The following PRPF18 variants were observed in gnomAD, a reference collection of about 807,000 sequenced individuals.
PRPF18 encodes pre-mRNA processing factor 18, also known as pre-mRNA-splicing factor 18.
In PRPF18, 38 loss-of-function variants were observed where a neutral mutation model predicts 46.5. The ratio of observed to expected loss-of-function variants is 0.82; its 90% confidence interval spans 0.63 to 1.07. The LOEUF is 1.07. Among genes scored for constraint, PRPF18 ranks in the 50% least tolerant of loss-of-function variants. PRPF18 has a pLI of 0.00. For synonymous variants in PRPF18, 152 were observed against 146.7 expected (o/e 1.04, Z -0.26); for missense variants, 263 against 410.0 (o/e 0.64, Z 3.10).
Position 13,605,641 on chromosome 10 carries a change from G to T in PRPF18, c.260G>T (p.Arg87Ile). The T allele has an allele frequency of 6.3e-7, 1 of 1,598,376 alleles. No individual in the cohort carries two copies. Among genetic ancestry groups the T allele is most frequent in the Non-Finnish European group, 8.5e-7 (1 of 1,173,750 alleles). Residue 87 changes from arginine (R) to isoleucine (I), a missense_variant, in exon 4 of 10, where the codon AGA becomes ATA. Physicochemically the swap from Arg to Ile is moderately conservative, Grantham distance 97. This residue lies in a region of PRPF18 where 155 missense variants were observed against 245.1 expected (regional missense o/e 0.63). Coordinates refer to ENST00000378572, the MANE Select transcript of PRPF18 (RefSeq NM_003675.4). ...MTLSRQEVIR[R>I]LRERGEPIRL... is the part of the protein sequence containing the mutation. The stretch of plus-strand genomic sequence containing the variant: ...TGTTTCACTTTGTAGGTCATCAGAA[G>T]ATTGAGAGAAAGAGGAGAACCAATC...
At chr10:13,633,475 G>A (rs1011955352), downstream of PRPF18, among the ~76,000 whole-genome samples, 3 of 152,176 alleles carry the variant, frequency 2.0e-5, no homozygotes, top group African/African-American at 7.2e-5. Context: ...AAGAAAGCAG[G>A]TTGGAAAACA....
In PRPF18 at chr10:13,586,983, G is replaced by A; in HGVS notation, c.-104G>A. 8.5e-7 allele frequency: 1 copy of A among 1,176,454 alleles called. No individual in the cohort carries two copies. The highest frequency in any genetic ancestry group is 1.5e-5 in the African/African-American group (1 of 66,378). 72.9% of individuals were successfully genotyped at this position (1,176,454 alleles called of 1,614,324 possible). A position where few individuals can be genotyped will look rare whatever the true frequency, so the allele number is the denominator to read the frequency against. ...TCCTGTCAGTTGTTCTCAGGTGTTT[G>A]GGCTTGTTGTTCCGTATACTCAGTG... On this transcript the variant is annotated 5_prime_UTR_variant, in exon 1 of 10. Coordinates refer to ENST00000378572, the MANE Select transcript of PRPF18 (RefSeq NM_003675.4).
At chr10:13,635,050 C>T (rs1390638142), downstream of PRPF18, among the ~76,000 whole-genome samples, 1 of 152,220 alleles carries the variant, frequency 6.6e-6, no homozygotes, top group African/African-American at 2.4e-5. Context: ...CCTCCTCCCA[C>T]CCGCCATCCT....
chr10:13,604,389 C>T (rs531639215), intron 3 of PRPF18, among the ~76,000 whole-genome samples: 2 of 152,060 alleles, frequency 1.3e-5, no homozygotes, highest in Admixed American at 6.5e-5. Context: ...AGTGTATGAA[C>T]CATGTTAGGG....
At position 13,611,533 on chromosome 10, in the gene PRPF18, A is replaced by G. The variant is rs562293154; in HGVS notation, c.511-82A>G. The G allele has an allele frequency of 1.6e-4, 182 of 1,115,214 alleles. 2 individuals carry two copies. The highest frequency in any genetic ancestry group is 1.3e-3 in the South Asian group (101 of 74,894). The allele number at this position is 1,115,214 out of a possible 1,614,324, so 69.1% of individuals were successfully genotyped here. On this transcript the variant is annotated intron_variant, in intron 5 of 9. Transcript: ENST00000378572. ...TGAACAGCATATGTGACCAAGAGCCATGTTTAGACTGGTGTTGGTAATATA... is the reference window on the plus strand; with the variant it reads ...TGAACAGCATATGTGACCAAGAGCCGTGTTTAGACTGGTGTTGGTAATATA...
chr10:13,610,127 AAGACACAC>A lies in PRPF18; in HGVS notation c.456_463del (p.Asp152GlufsTer2). 6.2e-7 allele frequency: 1 copy of A among 1,614,110 alleles called. No individual in the cohort carries two copies. The highest frequency in any genetic ancestry group is 8.5e-7 in the Non-Finnish European group (1 of 1,179,968). Reference sequence around the variant, plus strand: ...GTCGGCGGTCAGGAGCCTGGAGAGGAAGACACACAGAATGATCTGAAAGTTCATGAGGA... The same window carrying A: ...GTCGGCGGTCAGGAGCCTGGAGAGGAAGAATGATCTGAAAGTTCATGAGGA... On this transcript the variant is annotated frameshift_variant, in exon 5 of 10. Coordinates refer to ENST00000378572, the MANE Select transcript of PRPF18 (RefSeq NM_003675.4). LOFTEE classifies it high-confidence loss of function.
chr10:13,587,456 A>T (rs143770725), intron 1 of PRPF18, among the ~76,000 whole-genome samples: 224 of 152,350 alleles, frequency 1.5e-3, no homozygotes, highest in African/African-American at 5.2e-3. Flanking sequence ...CCCACGTCCA[A>T]AAGCCAAACC....
the PRPF18 span, chr10:13,654,657 T>C: frequency 1.6e-6 from 1 of 615,986 alleles, no homozygotes; most frequent in Non-Finnish European, 2.9e-6. Context: ...GAGCAGGGTC[T>C]CAGCATCCCT....
At chr10:13,629,038 A>G (rs1289946341) in intron 9 of PRPF18, among the ~76,000 whole-genome samples, 1 of 152,246 alleles carries the variant, frequency 6.6e-6, no homozygotes, top group East Asian at 1.9e-4. Flanking sequence ...ATTCTGAAAG[A>G]TCACAGACTG....
At chr10:13,587,520 G>C (rs1475266187) in intron 1 of PRPF18, among the ~76,000 whole-genome samples, 3 of 152,224 alleles carry the variant, frequency 2.0e-5, no homozygotes, top group African/African-American at 7.2e-5. Flanking sequence ...TCAGGCTGCG[G>C]CTCTCCCCGC....
the PRPF18 span, chr10:13,649,614 T>C: frequency 6.6e-6 from 1 of 152,248 alleles, no homozygotes; most frequent in Admixed American, 6.5e-5. Flanking sequence ...GAATCTTTCT[T>C]AGTGCTTCCA....
chr10:13,597,837 C>A, intron 2 of PRPF18, among the ~76,000 whole-genome samples: 1 of 150,974 alleles, frequency 6.6e-6, no homozygotes, highest in South Asian at 2.1e-4. Context: ...TCTGAGACTG[C>A]GTTATTTTCA....
chr10:13,638,502 TG>T, the PRPF18 span: 1 of 152,084 alleles, frequency 6.6e-6, no homozygotes. Flanking sequence ...CCCCGCAAGC[TG>T]GAGACCCAGG....
At chr10:13,619,261 G>C (rs914684986) in intron 9 of PRPF18, among the ~76,000 whole-genome samples, 3 of 152,248 alleles carry the variant, frequency 2.0e-5, no homozygotes, top group African/African-American at 7.2e-5. Flanking sequence ...AGAACTTTCT[G>C]ATGGAAGAGG....
intron 1 of PRPF18, among the ~76,000 whole-genome samples, chr10:13,594,616 G>A (rs753757659): frequency 2.0e-5 from 3 of 152,136 alleles, no homozygotes; most frequent in African/African-American, 4.8e-5. Context: ...TCTTCTTAAT[G>A]TTGACATTTT....
chr10:13,601,364 C>A (rs187386021), intron 3 of PRPF18, among the ~76,000 whole-genome samples: 39 of 152,214 alleles, frequency 2.6e-4, no homozygotes, highest in South Asian at 2.3e-3. Flanking sequence ...TGATCAGTAC[C>A]AACTATTATT....
At position 13,587,181 on chromosome 10, in the gene PRPF18, G is replaced by A. The variant is rs112938116; in HGVS notation, c.66+29G>A. ...AGGACCCTGCGGTCGTGGGGGTCGG[G>A]ATGTAAGAGTGAGAGTATGTGTGTC... On this transcript the variant is annotated intron_variant, in intron 1 of 9. Transcript: ENST00000378572. The A allele has an allele frequency of 4.4e-6, 7 of 1,594,500 alleles. No individual in the cohort carries two copies. In the African/African-American group the frequency reaches 6.7e-5, roughly 15 times the overall value.
chr10:13,638,778 A>G, the PRPF18 span: 1 of 152,164 alleles, frequency 6.6e-6, no homozygotes, highest in Non-Finnish European at 1.5e-5. Context: ...TCAAATGTTA[A>G]TCTCATCCAA....
chr10:13,630,443 C>A lies in PRPF18; in HGVS notation c.*103C>A. On this transcript the variant is annotated 3_prime_UTR_variant, in exon 10 of 10. Coordinates refer to ENST00000378572, the MANE Select transcript of PRPF18 (RefSeq NM_003675.4). Reference sequence around the variant, plus strand: ...TGAGGAAAGAAGAAAACTGGAGTTTCCAGTCTCTGAGTTCTACCTGATGTA... The same window carrying A: ...TGAGGAAAGAAGAAAACTGGAGTTTACAGTCTCTGAGTTCTACCTGATGTA... 1 of 926,398 alleles carries A rather than the reference C, an allele frequency of 1.1e-6. No individual in the cohort carries two copies. Among genetic ancestry groups the A allele is most frequent in the Non-Finnish European group, 1.6e-6 (1 of 612,342 alleles). The allele number at this position is 926,398 out of a possible 1,614,324, so 57.4% of individuals were successfully genotyped here. A position where few individuals can be genotyped will look rare whatever the true frequency, so the allele number is the denominator to read the frequency against.
Sources: gnomAD v4.1 joint callset for allele counts (sites outside exome capture counted in the v4.1 genomes callset) on GRCh38, gnomAD v4.1.1 for gene constraint, gnomAD v4.1.1 regional missense constraint, MANE v1.5 for transcripts, NCBI Gene and HGNC (gene_info 2026-07-23, HGNC 2026-07-21) for gene names.